Variants in TAX1BP1 observed in about 807,000 individuals in gnomAD.
TAX1BP1 encodes the protein tax1-binding protein 1.
Under a neutral mutation model 97.7 loss-of-function variants are expected in TAX1BP1, and 62 were observed. The ratio of observed to expected loss-of-function variants is 0.63; its 90% CI spans 0.52 to 0.78. The LOEUF (loss-of-function observed/expected upper bound fraction) is 0.78. Among genes scored for constraint, TAX1BP1 ranks in the 30% least tolerant of loss-of-function variants. TAX1BP1 has a pLI of 0.00. For synonymous variants in TAX1BP1, 340 were observed against 304.2 expected, an observed-to-expected ratio of 1.12 and a Z score of -1.23; for missense variants, 867 against 916.1, an observed-to-expected ratio of 0.95 and a Z score of 0.69.
chr7:27,760,066 C>A (rs1398997987), intron 3 of TAX1BP1, among the ~76,000 whole-genome samples: 2 of 151,962 alleles, frequency 1.3e-5, no homozygotes, highest in African/African-American at 4.8e-5. Context: ...GTTGGCCAGG[C>A]TGGTCTCAAA....
At chr7:27,747,270 A>G (rs1478301614) in intron 1 of TAX1BP1, among the ~76,000 whole-genome samples, 2 of 152,116 alleles carry the variant, frequency 1.3e-5, no homozygotes, top group Non-Finnish European at 2.9e-5. Flanking sequence ...GTAAATCCTC[A>G]TTTGTTTCTG....
chr7:27,817,503 A>G (rs945395831), intron 15 of TAX1BP1, among the ~76,000 whole-genome samples: 2 of 152,192 alleles, frequency 1.3e-5, no homozygotes, highest in Non-Finnish European at 2.9e-5. Flanking sequence ...CAGCCAGAAA[A>G]AGAGAAAAGT....
At chr7:27,784,889 G>A (rs993340347) in intron 5 of TAX1BP1, among the ~76,000 whole-genome samples, 3 of 151,960 alleles carry the variant, frequency 2.0e-5, no homozygotes, top group Non-Finnish European at 2.9e-5. Context: ...AGGCTGAGGT[G>A]GGAGGATCAC....
At chr7:27,796,952 C>T (rs1789956092) in intron 12 of TAX1BP1, among the ~76,000 whole-genome samples, 1 of 151,790 alleles carries the variant, frequency 6.6e-6, no homozygotes, top group Non-Finnish European at 1.5e-5. Flanking sequence ...GGAATGTTAA[C>T]CAAATGAATT....
At chr7:27,773,326 T>C (rs1288615275) in intron 5 of TAX1BP1, among the ~76,000 whole-genome samples, 1 of 152,080 alleles carries the variant, frequency 6.6e-6, no homozygotes, top group Non-Finnish European at 1.5e-5. Context: ...AGTTCACCAG[T>C]TTATACAATT....
chr7:27,792,336 T>G (rs1789750784), intron 9 of TAX1BP1, 106 bp downstream of exon 9: 2 of 1,040,692 alleles, frequency 1.9e-6, no homozygotes, highest in East Asian at 5.2e-5. Context: ...TCTGCCTTAT[T>G]TTAAATTTAA....
At chr7:27,762,508 G>A (rs1788464615) in intron 3 of TAX1BP1, among the ~76,000 whole-genome samples, 1 of 151,880 alleles carries the variant, frequency 6.6e-6, no homozygotes, top group Non-Finnish European at 1.5e-5. Context: ...ACCAGTGTGG[G>A]CAACATAGTG....
At chr7:27,742,957 G>A (rs1023140196) in intron 1 of TAX1BP1, among the ~76,000 whole-genome samples, 5 of 152,116 alleles carry the variant, frequency 3.3e-5, no homozygotes, top group Admixed American at 1.3e-4. Flanking sequence ...TGGGGACTTT[G>A]TTGTATTCTT....
chr7:27,774,202 CT>C, intron 5 of TAX1BP1, among the ~76,000 whole-genome samples: 1 of 130,234 alleles, frequency 7.7e-6, no homozygotes, highest in Admixed American at 8.0e-5. Context: ...CTTAAGCTAT[CT>C]TTATCTTTTT....
intron 15 of TAX1BP1, among the ~76,000 whole-genome samples, chr7:27,821,785 T>A (rs930515256): frequency 6.6e-6 from 1 of 152,170 alleles, no homozygotes; most frequent in African/African-American, 2.4e-5. Context: ...TTAGAACATT[T>A]TCCTCACCAG....
intron 2 of TAX1BP1, 77 bp from the exon 3 acceptor site, chr7:27,757,954 A>C (rs769344363): frequency 6.3e-6 from 5 of 790,718 alleles, no homozygotes; most frequent in Non-Finnish European, 1.0e-5. Context: ...AAAATACAAT[A>C]AATAAACAGT....
At chr7:27,802,596 A>C (rs1437662843) in intron 13 of TAX1BP1, among the ~76,000 whole-genome samples, 1 of 152,068 alleles carries the variant, frequency 6.6e-6, no homozygotes, top group Non-Finnish European at 1.5e-5. Context: ...ATAGTTTCTA[A>C]GCTTTAGTCA....
chr7:27,785,579 G>T, intron 7 of TAX1BP1, 90 bp downstream of exon 7: 1 of 1,051,872 alleles, frequency 9.5e-7, no homozygotes, highest in South Asian at 1.5e-5. Flanking sequence ...TTTAGGAGCA[G>T]CTTAGCTGAG....
chr7:27,754,010 G>A (rs1788115183), intron 2 of TAX1BP1, among the ~76,000 whole-genome samples: 1 of 152,046 alleles, frequency 6.6e-6, no homozygotes, highest in Non-Finnish European at 1.5e-5. Context: ...TCACATCTCC[G>A]AGATACTTTT....
intron 8 of TAX1BP1, among the ~76,000 whole-genome samples, chr7:27,789,390 A>G (rs1237210294): frequency 2.0e-5 from 3 of 151,914 alleles, no homozygotes; most frequent in Non-Finnish European, 2.9e-5. Context: ...CTGAGGTCTC[A>G]ATCTCTTCCT....
chr7:27,795,865 T>C (rs1192450960), intron 11 of TAX1BP1, among the ~76,000 whole-genome samples: 1 of 152,172 alleles, frequency 6.6e-6, no homozygotes, highest in Non-Finnish European at 1.5e-5. Context: ...TTTAGCAAAT[T>C]TTTAAAAAAT....
At chr7:27,749,919 A>G (rs921445009) in intron 2 of TAX1BP1, among the ~76,000 whole-genome samples, 2 of 152,022 alleles carry the variant, frequency 1.3e-5, no homozygotes, top group African/African-American at 2.4e-5. Flanking sequence ...AGCCTTCCAA[A>G]TAGCTGGGAT....
chr7:27,787,746 A>G, intron 8 of TAX1BP1, 143 bp downstream of exon 8: 1 of 720,286 alleles, frequency 1.4e-6, no homozygotes, highest in Non-Finnish European at 2.2e-6. Flanking sequence ...CAGAACAATG[A>G]ATACTGATGT....
At chr7:27,796,258 A>G in intron 12 of TAX1BP1, 39 bp downstream of exon 12, 1 of 1,436,516 alleles carries the variant, frequency 7.0e-7, no homozygotes, top group Non-Finnish European at 9.5e-7. Flanking sequence ...GATTTATAAA[A>G]TGTTAATGAC....
Sources: gnomAD v4.1 joint callset for allele counts (sites outside exome capture counted in the v4.1 genomes callset) on GRCh38, gnomAD v4.1.1 for gene constraint, MANE v1.5 for transcripts, NCBI Gene and HGNC (gene_info 2026-07-23, HGNC 2026-07-21) for gene names.